MKKS: variants seen among roughly 807,000 people sequenced by gnomAD.
MKKS encodes the protein MKKS centrosomal shuttling protein.
In MKKS, 29 loss-of-function variants were observed where a neutral mutation model predicts 33.2. The observed-to-expected ratio is 0.87, with a 90% CI of 0.65 to 1.19. MKKS has a LOEUF of 1.19. MKKS is among the 50% of genes most tolerant of loss of function. MKKS has a pLI of 0.00. For synonymous variants in MKKS, 260 were observed against 244.0 expected (o/e 1.07, Z -0.61); for missense variants, 661 against 662.3 (o/e 1.00, Z 0.02).
chr20:10,425,584 C>T (rs1448097231), intron 1 of MKKS, among the ~76,000 whole-genome samples: 1 of 152,178 alleles, frequency 6.6e-6, no homozygotes, highest in Non-Finnish European at 1.5e-5. Context: ...TTACAGTTTG[C>T]CTTGAGATGG....
In MKKS at chr20:10,402,353, GT is replaced by G. The variant is rs1239463935; in HGVS notation, c.*2893del. 3 of 152,052 alleles carry G rather than the reference GT, an allele frequency of 2.0e-5. No individual in the cohort carries two copies. Among genetic ancestry groups the G allele is most frequent in the Non-Finnish European group, 4.4e-5 (3 of 68,020 alleles). The allele number at this position is 152,052 out of a possible 1,614,324, so 9.4% of individuals were successfully genotyped here. Reference sequence around the variant, plus strand: ...TTTTCATCAAGAATTTTCATTTCATGTTTTATCATCTAAGTTTGAACGCTAA... The same window carrying G: ...TTTTCATCAAGAATTTTCATTTCATGTTTATCATCTAAGTTTGAACGCTAA... On this transcript the variant is annotated 3_prime_UTR_variant, in exon 6 of 6. Transcript: ENST00000347364.
chr20:10,421,471 C>T (rs75172643), intron 1 of MKKS, among the ~76,000 whole-genome samples: 2,079 of 149,894 alleles, frequency 0.014, 40 homozygotes, highest in African/African-American at 0.046. Flanking sequence ...AAGAATCAAA[C>T]GGTAATCCAC....
intron 1 of MKKS, among the ~76,000 whole-genome samples, chr20:10,427,088 G>A (rs1017967639): frequency 1.3e-4 from 13 of 102,226 alleles, no homozygotes; most frequent in Admixed American, 3.8e-4. Context: ...ACAAAGTAAG[G>A]TTAAGGGCAA....
In MKKS at chr20:10,412,680, G is replaced by A; in HGVS notation, c.835C>T (p.Leu279=). The A allele has an allele frequency of 6.2e-7, 1 of 1,614,116 alleles. No individual in the cohort carries two copies. The highest frequency in any genetic ancestry group is 8.5e-7 in the Non-Finnish European group (1 of 1,180,012). The stretch of plus-strand genomic sequence containing the variant: ...TGGTCACTGATTAGCTGCCTTCCTA[G>A]GTTAAGCAGCTGGTCCAAGACTGCA... The part of the protein sequence containing the change: ...ENAVLDQLLN[L]GRQLISDHVD... Residue 279 remains leucine (L), a synonymous_variant, in exon 3 of 6, where the codon CTA becomes TTA. Transcript: ENST00000347364.
chr20:10,414,456 G>A (rs1453885211), intron 2 of MKKS, among the ~76,000 whole-genome samples: 4 of 151,912 alleles, frequency 2.6e-5, no homozygotes, highest in Non-Finnish European at 4.4e-5. Context: ...GTAGAGATGG[G>A]GTTTCTCCAT....
chr20:10,408,623 C>T lies in MKKS; in HGVS notation c.1161+5G>A. ...TGCATATGGAATTCAAAGTTCATTA[C>T]CTACCTTCAGCTCATCCCAGGCAGT... On this transcript the variant is annotated splice_donor_5th_base_variant and intron_variant, in intron 4 of 5. Transcript: ENST00000347364. 1 of 1,613,784 alleles carries T rather than the reference C, an allele frequency of 6.2e-7. No individual in the cohort carries two copies. The highest frequency in any genetic ancestry group is 1.3e-5 in the African/African-American group (1 of 75,024).
At chr20:10,424,747 G>GT (rs757732176) in intron 1 of MKKS, among the ~76,000 whole-genome samples, 1 of 151,932 alleles carries the variant, frequency 6.6e-6, no homozygotes, top group Non-Finnish European at 1.5e-5. Context: ...TTCCTCTGTG[G>GT]TTTTTTACAA....
At chr20:10,422,221 G>C (rs1011002138) in intron 1 of MKKS, among the ~76,000 whole-genome samples, 1 of 151,988 alleles carries the variant, frequency 6.6e-6, no homozygotes, top group Non-Finnish European at 1.5e-5. Flanking sequence ...TAAGGACTTT[G>C]TGGCAAAATT....
rs113186887 is a variant in MKKS at position 10,420,590 on chromosome 20, G to C, written c.-480C>G. The C allele has an allele frequency of 2.0e-5, 3 of 152,312 alleles. No homozygotes were observed. Among genetic ancestry groups the C allele is most frequent in the African/African-American group, 7.2e-5 (3 of 41,566 alleles). 9.4% of individuals were successfully genotyped at this position (152,312 alleles called of 1,614,324 possible). A position where few individuals can be genotyped will look rare whatever the true frequency, so the allele number is the denominator to read the frequency against. On this transcript the variant is annotated 5_prime_UTR_variant, in exon 2 of 6. Coordinates refer to ENST00000347364, the MANE Select transcript of MKKS (RefSeq NM_170784.3). ...CTCTTCTGAAGATTTGAAAGTCCCA[G>C]ACTATCTTGCTCAGGAATGTCGTCG...
intron 1 of MKKS, among the ~76,000 whole-genome samples, chr20:10,432,453 C>T (rs908374395): frequency 1.3e-5 from 2 of 152,110 alleles, no homozygotes; most frequent in Admixed American, 6.5e-5. Context: ...GCATCCAGGA[C>T]CCATGATGGA....
intron 1 of MKKS, among the ~76,000 whole-genome samples, chr20:10,422,678 A>G (rs1316828030): frequency 6.6e-6 from 1 of 151,434 alleles, no homozygotes; most frequent in Non-Finnish European, 1.5e-5. Context: ...TGGCACCTCT[A>G]TTCCCCTCAA....
chr20:10,428,239 C>T (rs766836277), intron 1 of MKKS, among the ~76,000 whole-genome samples: 1 of 152,146 alleles, frequency 6.6e-6, no homozygotes, highest in Non-Finnish European at 1.5e-5. Context: ...TGTTTTTACA[C>T]CCTGGCTGCC....
chr20:10,412,940 C>G lies in MKKS; in HGVS notation c.575G>C (p.Gly192Ala), dbSNP rs1403716406. 6.2e-7 allele frequency: 1 copy of G among 1,613,698 alleles called. No homozygotes were observed. The highest frequency in any genetic ancestry group is 1.7e-5 in the Admixed American group (1 of 59,948). Residue 192 changes from glycine (G) to alanine (A), a missense_variant, in exon 3 of 6, where the codon GGC (glycine) becomes GCC (alanine). Coordinates refer to ENST00000347364, the MANE Select transcript of MKKS (RefSeq NM_170784.3). ...TAAACTCTTTCCTAAAATGATGTGG[C>G]CTTCAGCATTTTCTGGAATTGTAAG... ...FLLTIPENAEGHIILGKSLIV... is the reference protein window; with the variant it reads ...FLLTIPENAEAHIILGKSLIV...
At chr20:10,406,263 T>C (rs985833986) in intron 5 of MKKS, among the ~76,000 whole-genome samples, 2 of 152,208 alleles carry the variant, frequency 1.3e-5, no homozygotes, top group African/African-American at 2.4e-5. Context: ...TAAAAATGTT[T>C]ATCCTAGAAA....
At chr20:10,422,287 C>T (rs1310035759) in intron 1 of MKKS, among the ~76,000 whole-genome samples, 1 of 151,986 alleles carries the variant, frequency 6.6e-6, no homozygotes, top group African/African-American at 2.4e-5. Context: ...TATTTTATGG[C>T]CTTTTCCTTT....
In MKKS at chr20:10,427,081, A is replaced by ACACACACACACACACACACAC. The variant is rs1289564841; in HGVS notation, c.-648-6324_-648-6323insGTGTGTGTGTGTGTGTGTGTG. Among the ~76,000 whole-genome samples, 3 of 85,700 alleles carry ACACACACACACACACACACAC rather than the reference A, an allele frequency of 3.5e-5. 1 individual carries two copies. The allele number at this position is 85,700 out of a possible 152,430, so 56.2% of individuals were successfully genotyped here. On this transcript the variant is annotated intron_variant, in intron 1 of 5. Transcript: ENST00000347364. ...ACACACACACACACACACACACACA[A>ACACACACACACACACACACAC]AGTAAGGTTAAGGGCAAAAAGGCAA...
At chr20:10,415,551 A>T (rs2064931921) in intron 2 of MKKS, among the ~76,000 whole-genome samples, 1 of 152,148 alleles carries the variant, frequency 6.6e-6, no homozygotes, top group Non-Finnish European at 1.5e-5. Flanking sequence ...GGGAAAGAAA[A>T]ATCTGTTTAT....
At chr20:10,433,691 G>A (rs892660267) in intron 1 of MKKS, among the ~76,000 whole-genome samples, 3 of 152,112 alleles carry the variant, frequency 2.0e-5, no homozygotes, top group African/African-American at 7.2e-5. Context: ...CCGTCGGAGG[G>A]CGGCCCCCAC....
At position 10,405,449 on chromosome 20, in the gene MKKS, C is replaced by A; in HGVS notation, c.1511G>T (p.Ser504Ile). Residue 504 changes from serine (S) to isoleucine (I), a missense_variant, in exon 6 of 6, where the codon AGC (serine) becomes ATC (isoleucine). Ser to Ile is a moderately radical substitution (Grantham distance 142). Transcript: ENST00000347364. ...LSQCGCGLYN[S>I]QEELNWSFLR... ...GAAAGACCAGTTGAGTTCTTCCTGG[C>A]TATTGTATAATCCACAGCCACACTG... 1 of 1,614,154 alleles carries A rather than the reference C, an allele frequency of 6.2e-7. No homozygotes were observed. Among genetic ancestry groups the A allele is most frequent in the South Asian group, 1.1e-5 (1 of 91,078 alleles).
Sources: gnomAD v4.1 joint callset for allele counts (sites outside exome capture counted in the v4.1 genomes callset) on GRCh38, gnomAD v4.1.1 for gene constraint, MANE v1.5 for transcripts, NCBI Gene and HGNC (gene_info 2026-07-23, HGNC 2026-07-21) for gene names.